The following TPD52 variants were observed in gnomAD, a reference collection of about 807,000 sequenced individuals.
TPD52 encodes tumor protein D52.
In TPD52, 17 loss-of-function variants were observed where a neutral mutation model predicts 31.3. That is an observed-to-expected ratio of 0.54 (90% CI 0.37 to 0.82). The LOEUF (loss-of-function observed/expected upper bound fraction) is 0.82, where lower values mean the gene tolerates loss of function less well. TPD52 is among the 40% of genes least tolerant of loss of function. TPD52 has a pLI of 0.00. For synonymous variants in TPD52, 83 were observed against 89.6 expected (o/e 0.93, Z 0.42); for missense variants, 212 against 240.1 (o/e 0.88, Z 0.77).
chr8:80,140,681 A>G (rs1018227486), intron 1 of TPD52, among the ~76,000 whole-genome samples: 3 of 151,890 alleles, frequency 2.0e-5, no homozygotes, highest in Non-Finnish European at 4.4e-5. Context: ...CATGTAATCT[A>G]TTTTTATATG....
chr8:80,048,601 G>A (rs1033557785), intron 5 of TPD52, among the ~76,000 whole-genome samples: 6 of 152,204 alleles, frequency 3.9e-5, no homozygotes, highest in South Asian at 4.1e-4. Context: ...TTGAGGGAAC[G>A]TGGCCAATAT....
intron 1 of TPD52, among the ~76,000 whole-genome samples, chr8:80,116,634 T>C (rs1807880329): frequency 6.6e-6 from 1 of 152,172 alleles, no homozygotes; most frequent in South Asian, 2.1e-4. Flanking sequence ...GGAAATGCTA[T>C]GCAGCTCAGT....
intron 1 of TPD52, among the ~76,000 whole-genome samples, chr8:80,096,287 CACAA>C (rs1280764840): frequency 8.9e-6 from 1 of 112,662 alleles, no homozygotes; most frequent in Non-Finnish European, 1.8e-5. Flanking sequence ...AACACACACA[CACAA>C]ACACACACAC....
At chr8:80,140,200 CA>C (rs1232828619) in intron 1 of TPD52, among the ~76,000 whole-genome samples, 2 of 152,292 alleles carry the variant, frequency 1.3e-5, no homozygotes, top group East Asian at 3.9e-4. Context: ...CTCCTGATGT[CA>C]ACCCCACAAG....
intron 1 of TPD52, among the ~76,000 whole-genome samples, chr8:80,084,040 T>C (rs1030240536): frequency 6.6e-6 from 1 of 152,158 alleles, no homozygotes; most frequent in African/African-American, 2.4e-5. Flanking sequence ...CTTCTAACCT[T>C]TCCTTCATTT....
intron 2 of TPD52, among the ~76,000 whole-genome samples, chr8:80,054,443 A>G (rs1355983446): frequency 6.6e-6 from 1 of 152,124 alleles, no homozygotes; most frequent in East Asian, 1.9e-4. Context: ...TCAGAGAGAA[A>G]TAGACACCAT....
intron 1 of TPD52, among the ~76,000 whole-genome samples, chr8:80,149,488 G>A (rs1810428953): frequency 6.6e-6 from 1 of 152,204 alleles, no homozygotes; most frequent in Non-Finnish European, 1.5e-5. Flanking sequence ...ATTGGCACTG[G>A]TATAGTGAGG....
intron 2 of TPD52, among the ~76,000 whole-genome samples, chr8:80,062,059 T>C (rs1002819720): frequency 6.6e-6 from 1 of 152,130 alleles, no homozygotes; most frequent in Non-Finnish European, 1.5e-5. Context: ...TTTGTGTGGG[T>C]GGAAAAGCAG....
chr8:80,053,193 C>T, intron 3 of TPD52, 89 bp downstream of exon 3: 1 of 1,435,760 alleles, frequency 7.0e-7, no homozygotes, highest in Non-Finnish European at 9.4e-7. Context: ...CTGAAGCATC[C>T]TTATCCTCTT....
At chr8:80,055,044 T>C (rs1811734686) in intron 2 of TPD52, among the ~76,000 whole-genome samples, 1 of 152,262 alleles carries the variant, frequency 6.6e-6, no homozygotes, top group African/African-American at 2.4e-5. Context: ...AATGCACGTC[T>C]CAGTTTACTG....
chr8:80,073,408 A>G (rs1362309940), intron 1 of TPD52, among the ~76,000 whole-genome samples: 1 of 152,230 alleles, frequency 6.6e-6, no homozygotes, highest in Non-Finnish European at 1.5e-5. Flanking sequence ...TAAATAAGTC[A>G]AAAGTGTCTC....
At chr8:80,116,092 A>T (rs1226791437) in intron 1 of TPD52, among the ~76,000 whole-genome samples, 1 of 152,194 alleles carries the variant, frequency 6.6e-6, no homozygotes, top group Non-Finnish European at 1.5e-5. Context: ...CTTTGACCTA[A>T]CAAATCAACT....
At chr8:80,063,228 T>C (rs1191180268) in intron 2 of TPD52, among the ~76,000 whole-genome samples, 1 of 152,196 alleles carries the variant, frequency 6.6e-6, no homozygotes, top group Non-Finnish European at 1.5e-5. Flanking sequence ...TTAAACATAA[T>C]GAAGCACAGA....
intron 1 of TPD52, among the ~76,000 whole-genome samples, chr8:80,079,869 CA>C (rs1815038314): frequency 6.6e-6 from 1 of 151,998 alleles, no homozygotes; most frequent in Non-Finnish European, 1.5e-5. Context: ...AAGTTGCTCT[CA>C]ATATTCCATA....
intron 1 of TPD52, among the ~76,000 whole-genome samples, chr8:80,127,362 T>C (rs1352009107): frequency 6.6e-6 from 1 of 152,208 alleles, no homozygotes; most frequent in African/African-American, 2.4e-5. Flanking sequence ...ATGTATATTT[T>C]GATAATTTGA....
chr8:80,135,068 G>C (rs62516116), intron 1 of TPD52, among the ~76,000 whole-genome samples: 1 of 152,116 alleles, frequency 6.6e-6, no homozygotes. Flanking sequence ...TGAACTGCCA[G>C]GCAGAGGTAT....
At chr8:80,042,569 T>G in intron 7 of TPD52, 51 bp downstream of exon 7, 1 of 1,567,866 alleles carries the variant, frequency 6.4e-7, no homozygotes, top group Non-Finnish European at 8.6e-7. Flanking sequence ...GCAAAGTTAA[T>G]TAAGACACCA....
At chr8:80,070,755 A>T (rs1368611833) in intron 1 of TPD52, among the ~76,000 whole-genome samples, 2 of 152,174 alleles carry the variant, frequency 1.3e-5, no homozygotes, top group Non-Finnish European at 2.9e-5. Flanking sequence ...TTTTTACAAG[A>T]ATAGGAAAAG....
intron 1 of TPD52, among the ~76,000 whole-genome samples, chr8:80,155,213 A>T (rs1171986554): frequency 6.6e-6 from 1 of 152,038 alleles, no homozygotes; most frequent in Non-Finnish European, 1.5e-5. Context: ...GCTTGTATAA[A>T]ACAGCAAATT....
Sources: gnomAD v4.1 joint callset for allele counts (sites outside exome capture counted in the v4.1 genomes callset) on GRCh38, gnomAD v4.1.1 for gene constraint, MANE v1.5 for transcripts, NCBI Gene and HGNC (gene_info 2026-07-23, HGNC 2026-07-21) for gene names.